Variants in OR56A3 observed in about 807,000 individuals in gnomAD.
The protein encoded by OR56A3 is olfactory receptor 56A3.
OR56A3 carries 23 observed loss-of-function variants against 17.5 expected under a neutral mutation model. The observed-to-expected ratio is 1.32, with a 90% CI of 0.95 to 1.87. The LOEUF (loss-of-function observed/expected upper bound fraction) is 1.87. Ranked by LOEUF, OR56A3 falls within the 40% of genes most tolerant of loss-of-function variation. The pLI, the probability that OR56A3 is intolerant of heterozygous loss-of-function variation, is 0.00. For missense variants in OR56A3, 366 were observed against 380.1 expected, an observed-to-expected ratio of 0.96 and a Z score of 0.31; for synonymous variants, 175 against 150.6, an observed-to-expected ratio of 1.16 and a Z score of -1.19.
chr11:6,019,664 AC>A, the OR56A3 span: 2 of 152,030 alleles, frequency 1.3e-5, no homozygotes, highest in Admixed American at 1.3e-4. Flanking sequence ...GGAAAGACCC[AC>A]CCCCATAATT....
the OR56A3 span, among the ~76,000 whole-genome samples, chr11:5,973,095 A>T: frequency 6.6e-6 from 1 of 152,128 alleles, no homozygotes; most frequent in Non-Finnish European, 1.5e-5. Context: ...CTGAAATTCA[A>T]CTCCACTATT....
At chr11:6,016,019 G>A in the OR56A3 span, among the ~76,000 whole-genome samples, 1 of 152,140 alleles carries the variant, frequency 6.6e-6, no homozygotes, top group Non-Finnish European at 1.5e-5. Context: ...CAAATCTCAT[G>A]TCGAATTGTA....
At chr11:6,004,426 C>G in the OR56A3 span, among the ~76,000 whole-genome samples, 1 of 152,152 alleles carries the variant, frequency 6.6e-6, no homozygotes, top group Admixed American at 6.5e-5. Context: ...ATCTTTCACC[C>G]CTGTCCCATC....
the OR56A3 span, chr11:5,968,419 A>G: frequency 2.5e-4 from 409 of 1,607,136 alleles, 4 homozygotes; most frequent in Middle Eastern, 3.1e-3. Context: ...CAGTGCTGCC[A>G]GCTCTGGAAA....
At position 5,949,202 on chromosome 11, in the gene OR56A3, A is replaced by G. The variant is rs1013671298; in HGVS notation, c.*908A>G. ...TGGTGTCCTGTGAATTATGTTAGCT[A>G]TTAAGAAACAAAAATAAAAAGAATA... is the stretch of plus-strand genomic sequence containing the variant. On this transcript the variant is annotated 3_prime_UTR_variant, in exon 3 of 3. Transcript: ENST00000641160. 2.0e-5 allele frequency: 3 copies of G among 152,216 alleles called. No individual in the cohort carries two copies. Among genetic ancestry groups the G allele is most frequent in the Non-Finnish European group, 4.4e-5 (3 of 68,042 alleles). The allele number at this position is 152,216 out of a possible 1,614,324, so 9.4% of individuals were successfully genotyped here. A position where few individuals can be genotyped will look rare whatever the true frequency, so the allele number is the denominator to read the frequency against.
At chr11:5,976,481 G>T in the OR56A3 span, among the ~76,000 whole-genome samples, 2 of 151,812 alleles carry the variant, frequency 1.3e-5, no homozygotes, top group East Asian at 3.9e-4. Context: ...TTGGTGTTTT[G>T]TTGGCTTAAA....
the OR56A3 span, among the ~76,000 whole-genome samples, chr11:6,014,988 G>GAAAA: frequency 1.4e-4 from 1 of 7,124 alleles, no homozygotes; most frequent in Non-Finnish European, 2.5e-4. Flanking sequence ...ATATTCATGG[G>GAAAA]CAAAAAAAAA....
At chr11:6,003,695 G>A in the OR56A3 span, among the ~76,000 whole-genome samples, 1 of 152,132 alleles carries the variant, frequency 6.6e-6, no homozygotes, top group Non-Finnish European at 1.5e-5. Flanking sequence ...GCCCCCACCT[G>A]AAATCCATTT....
the OR56A3 span, among the ~76,000 whole-genome samples, chr11:6,015,683 G>A: frequency 6.6e-6 from 1 of 152,198 alleles, no homozygotes; most frequent in Admixed American, 6.5e-5. Context: ...AGATTATTCT[G>A]GAGCTTTAAG....
At chr11:6,005,139 C>T in the OR56A3 span, among the ~76,000 whole-genome samples, 1 of 152,044 alleles carries the variant, frequency 6.6e-6, no homozygotes, top group South Asian at 2.1e-4. Flanking sequence ...GCCCAGTTTT[C>T]TCACAAATGA....
At chr11:5,986,099 G>A in the OR56A3 span, 1 of 1,613,860 alleles carries the variant, frequency 6.2e-7, no homozygotes, top group South Asian at 1.1e-5. Flanking sequence ...CGGTGAGTGA[G>A]GAAGGAGAAA....
chr11:6,016,287 A>G, the OR56A3 span, among the ~76,000 whole-genome samples: 1 of 152,208 alleles, frequency 6.6e-6, no homozygotes, highest in Non-Finnish European at 1.5e-5. Context: ...AGAGGTTGCC[A>G]TGCTTCTTGT....
chr11:6,000,309 G>A, the OR56A3 span: 2 of 152,134 alleles, frequency 1.3e-5, no homozygotes, highest in South Asian at 2.1e-4. Context: ...TCATGTCCTT[G>A]GTAGGGACAT....
chr11:6,015,444 C>T, the OR56A3 span, among the ~76,000 whole-genome samples: 2 of 152,240 alleles, frequency 1.3e-5, no homozygotes, highest in Non-Finnish European at 2.9e-5. Context: ...CCCACTGGGA[C>T]ACTGCCTAGT....
the OR56A3 span, chr11:6,003,271 G>A: frequency 3.3e-6 from 2 of 598,790 alleles, no homozygotes; most frequent in South Asian, 6.5e-5. Flanking sequence ...AATGTTACAG[G>A]TAATAAAATA....
At chr11:5,975,528 G>T in the OR56A3 span, among the ~76,000 whole-genome samples, 1 of 151,934 alleles carries the variant, frequency 6.6e-6, no homozygotes, top group East Asian at 1.9e-4. Flanking sequence ...CTCTACAAAG[G>T]ACATGAACTC....
chr11:5,962,586 C>CA, the OR56A3 span, among the ~76,000 whole-genome samples: 1 of 146,388 alleles, frequency 6.8e-6, no homozygotes, highest in East Asian at 2.0e-4. Context: ...GGCCAGACTG[C>CA]GGACTGCAGT....
In OR56A3 at chr11:5,947,988, C is replaced by T. The variant is rs1400331823; in HGVS notation, c.642C>T (p.Asp214=). Residue 214 remains aspartate (D), a synonymous_variant, in exon 3 of 3, where the codon GAC becomes GAT. Coordinates refer to ENST00000641160, the MANE Select transcript of OR56A3 (RefSeq NM_001003443.3). ...FAGGWTLLGS[D]LILIFLSYTF... is the part of the protein sequence containing the mutation. ...GAGGCTGGACTCTGCTAGGATCTGA[C>T]CTCATCCTTATCTTCCTCTCCTACA... 6.2e-6 allele frequency: 10 copies of T among 1,614,078 alleles called. No individual in the cohort carries two copies. The highest frequency in any genetic ancestry group is 1.3e-5 in the African/African-American group (1 of 74,942).
chr11:5,999,333 T>C, the OR56A3 span: 3 of 152,196 alleles, frequency 2.0e-5, no homozygotes, highest in African/African-American at 7.2e-5. Context: ...ATAATAATAA[T>C]GATAAATCAT....
Sources: gnomAD v4.1 joint callset for allele counts (sites outside exome capture counted in the v4.1 genomes callset) on GRCh38, gnomAD v4.1.1 for gene constraint, MANE v1.5 for transcripts, NCBI Gene and HGNC (gene_info 2026-07-23, HGNC 2026-07-21) for gene names.